The following CRACR2A variants were observed in gnomAD, a reference collection of about 807,000 sequenced individuals.
The protein encoded by CRACR2A is calcium release activated channel regulator 2A, also known as EF-hand calcium-binding domain-containing protein 4B.
CRACR2A carries 79 observed loss-of-function variants against 90.5 expected under a neutral mutation model. The observed-to-expected ratio is 0.87, with a 90% CI of 0.73 to 1.05. CRACR2A has a LOEUF of 1.05. Among genes scored for constraint, CRACR2A ranks in the 50% least tolerant of loss-of-function variants. CRACR2A has a pLI of 0.00. For synonymous variants in CRACR2A, 338 were observed against 356.7 expected (o/e 0.95, Z 0.59); for missense variants, 823 against 897.2 (o/e 0.92, Z 1.06).
At position 3,696,860 on chromosome 12, in the gene CRACR2A, C is replaced by A. The variant is rs201442749; in HGVS notation, c.140G>T (p.Gly47Val). Residue 47 changes from glycine (G) to valine (V), a missense_variant, in exon 4 of 20, where the codon GGC becomes GTC. Coordinates refer to ENST00000440314, the MANE Select transcript of CRACR2A (RefSeq NM_001144958.2). ...EQKETQEQTS[G>V]QLVMLRKAQE... is the part of the protein sequence containing the mutation. The stretch of plus-strand genomic sequence containing the variant: ...TGCCTTCCTCAGCATGACTAGCTGG[C>A]CCGACGTTTGCTCCTGAGTCTCCTT... The A allele has an allele frequency of 1.9e-6, 3 of 1,614,206 alleles. No individual in the cohort carries two copies. The Middle Eastern group carries it at 4.9e-4, about 266-fold the overall frequency.
chr12:3,711,076 G>A lies in CRACR2A; in HGVS notation c.-37+2161C>T, dbSNP rs1221517142. Among the ~76,000 whole-genome samples the A allele has an allele frequency of 6.6e-6, 1 of 152,062 alleles. No homozygotes were observed. Among genetic ancestry groups the A allele is most frequent in the Non-Finnish European group, 1.5e-5 (1 of 68,014 alleles). On this transcript the variant is annotated intron_variant, in intron 3 of 19. Transcript: ENST00000440314. The surrounding 1 kb of genome is among the most constrained non-coding windows in gnomAD (Gnocchi z 4.3). The stretch of plus-strand genomic sequence containing the variant: ...AACTCGTTCTAGCATAAACTCAAAG[G>A]CAGAAAGTCCAAAATCTCATGTAAA...
chr12:3,650,576 C>T (rs964018872), intron 10 of CRACR2A, among the ~76,000 whole-genome samples: 2 of 152,282 alleles, frequency 1.3e-5, no homozygotes, highest in Non-Finnish European at 1.5e-5. Context: ...CAGAGCTGCC[C>T]GCTCCCGACT....
At chr12:3,718,141 A>C (rs1946107022) in intron 2 of CRACR2A, among the ~76,000 whole-genome samples, 1 of 152,226 alleles carries the variant, frequency 6.6e-6, no homozygotes, top group Non-Finnish European at 1.5e-5. Context: ...TACACAGCAC[A>C]CAGAAAGTGC....
chr12:3,636,267 G>T (rs1361003771), intron 14 of CRACR2A, among the ~76,000 whole-genome samples: 7 of 152,350 alleles, frequency 4.6e-5, no homozygotes, highest in African/African-American at 1.4e-4. Context: ...CACCAGCCTT[G>T]TATGGCACGG....
At chr12:3,643,764 CTATATA>C (rs151048792) in intron 12 of CRACR2A, among the ~76,000 whole-genome samples, 109 of 112,686 alleles carry the variant, frequency 9.7e-4, no homozygotes, top group Admixed American at 3.6e-3. Context: ...TGCACACAGA[CTATATA>C]TATATAGTTT....
intron 1 of CRACR2A, among the ~76,000 whole-genome samples, chr12:3,747,496 C>T (rs983460559): frequency 6.6e-6 from 1 of 152,192 alleles, no homozygotes; most frequent in Admixed American, 6.5e-5. Flanking sequence ...TGGTTATGTG[C>T]AGCGGACAAT....
intron 2 of CRACR2A, chr12:3,732,231 G>A (rs998124056): frequency 3.9e-5 from 6 of 152,162 alleles, no homozygotes; most frequent in African/African-American, 9.7e-5. Flanking sequence ...AACAATGGCT[G>A]AGTACCCGAC....
intron 2 of CRACR2A, 126 bp downstream of exon 2, chr12:3,732,816 A>G (rs1212772136): frequency 6.6e-6 from 1 of 152,236 alleles, no homozygotes; most frequent in African/African-American, 2.4e-5. Flanking sequence ...AGGCTACAGA[A>G]AATCAGAGAC....
chr12:3,638,356 TC>T lies in CRACR2A; in HGVS notation c.1369del (p.Glu457SerfsTer35). On this transcript the variant is annotated frameshift_variant, in exon 14 of 20. Coordinates refer to ENST00000440314, the MANE Select transcript of CRACR2A (RefSeq NM_001144958.2). LOFTEE classifies it high-confidence loss of function. ...PLTEEEPGTG[E>X]PGPGGPYPRP... The stretch of plus-strand genomic sequence containing the variant: ...GGGGTACGGACCCCCAGGCCCTGGC[TC>T]CCCGGTTCCTGGCTCCTCTTCTGTT... 1 of 1,551,492 alleles carries T rather than the reference TC, an allele frequency of 6.4e-7. No homozygotes were observed. The highest frequency in any genetic ancestry group is 8.7e-7 in the Non-Finnish European group (1 of 1,146,932).
chr12:3,629,034 C>A (rs1944331346), intron 15 of CRACR2A, among the ~76,000 whole-genome samples: 1 of 152,160 alleles, frequency 6.6e-6, no homozygotes, highest in African/African-American at 2.4e-5. Flanking sequence ...AAAGTGATTT[C>A]TCCCATTAAT....
intron 4 of CRACR2A, among the ~76,000 whole-genome samples, chr12:3,681,704 G>T (rs1316743875): frequency 6.6e-6 from 1 of 152,182 alleles, no homozygotes; most frequent in Admixed American, 6.5e-5. Flanking sequence ...AAGAAGAAAG[G>T]TATATACCAA....
At position 3,701,175 on chromosome 12, in the gene CRACR2A, C is replaced by T. The variant is rs540543552; in HGVS notation, c.-36-4140G>A. ...ATTGAACTAAATGGAAAAAAAAAAGCACAATATATCAAATGTTGTGGGATA... is the reference window on the plus strand; with the variant it reads ...ATTGAACTAAATGGAAAAAAAAAAGTACAATATATCAAATGTTGTGGGATA... On this transcript the variant is annotated intron_variant, in intron 3 of 19. Coordinates refer to ENST00000440314, the MANE Select transcript of CRACR2A (RefSeq NM_001144958.2). Among the ~76,000 whole-genome samples, 8 of 150,956 alleles carry T rather than the reference C, an allele frequency of 5.3e-5. No homozygotes were observed. In the East Asian group the frequency reaches 1.4e-3, roughly 26 times the overall value.
intron 10 of CRACR2A, 22 bp from the exon 11 acceptor site, chr12:3,648,635 G>C: frequency 6.2e-7 from 1 of 1,602,788 alleles, no homozygotes; most frequent in South Asian, 1.1e-5. Flanking sequence ...GCAAACACAT[G>C]GCAGTGAGCT....
intron 10 of CRACR2A, among the ~76,000 whole-genome samples, chr12:3,650,866 A>G (rs898413074): frequency 2.0e-5 from 3 of 152,356 alleles, no homozygotes; most frequent in African/African-American, 7.2e-5. Context: ...GAATACAGGT[A>G]CTGTTCTATT....
chr12:3,650,448 A>C (rs1944774501), intron 10 of CRACR2A, among the ~76,000 whole-genome samples: 1 of 152,190 alleles, frequency 6.6e-6, no homozygotes, highest in Non-Finnish European at 1.5e-5. Context: ...CAAATTCCTG[A>C]CATTTTATTA....
At chr12:3,714,790 C>G (rs368074314) in intron 2 of CRACR2A, among the ~76,000 whole-genome samples, 40 of 152,298 alleles carry the variant, frequency 2.6e-4, no homozygotes, top group African/African-American at 8.7e-4. Flanking sequence ...GGGGCCAGAT[C>G]TTAGGGTGAT....
intron 6 of CRACR2A, 113 bp downstream of exon 6, chr12:3,678,802 T>G: frequency 8.4e-7 from 1 of 1,187,644 alleles, no homozygotes; most frequent in Non-Finnish European, 1.2e-6. Context: ...CTGCACTGCA[T>G]TCCAGTGCAG....
At chr12:3,722,785 CA>C (rs759551093) in intron 2 of CRACR2A, among the ~76,000 whole-genome samples, 11 of 152,168 alleles carry the variant, frequency 7.2e-5, no homozygotes, top group Non-Finnish European at 1.3e-4. Flanking sequence ...TAGACCCAGA[CA>C]CTTTCATGAA....
intron 12 of CRACR2A, among the ~76,000 whole-genome samples, chr12:3,642,327 T>C (rs892362832): frequency 1.3e-5 from 2 of 152,136 alleles, no homozygotes; most frequent in East Asian, 1.9e-4. Context: ...AGCAATCCTC[T>C]AGCCTCAGCC....
Sources: gnomAD v4.1 joint callset for allele counts (sites outside exome capture counted in the v4.1 genomes callset) on GRCh38, gnomAD v4.1.1 for gene constraint, Gnocchi (gnomAD v3.1) non-coding constraint, MANE v1.5 for transcripts, NCBI Gene and HGNC (gene_info 2026-07-23, HGNC 2026-07-21) for gene names.